RBFOX1: variants seen among roughly 807,000 people sequenced by gnomAD.
The protein encoded by RBFOX1 is RNA binding protein fox-1 homolog 1.
Under a neutral mutation model 57.7 loss-of-function variants are expected in RBFOX1, and 8 were observed. The ratio of observed to expected loss-of-function variants is 0.14; its 90% CI spans 0.08 to 0.25. The LOEUF (loss-of-function observed/expected upper bound fraction) is 0.25, where lower values mean the gene tolerates loss of function less well. Ranked by LOEUF, RBFOX1 falls within the 10% of genes least tolerant of loss-of-function variation. The pLI is 1.00. For synonymous variants in RBFOX1, 326 were observed against 222.4 expected (o/e 1.47, Z -4.15); for missense variants, 611 against 548.5 (o/e 1.11, Z -1.14).
intron 3 of RBFOX1, among the ~76,000 whole-genome samples, chr16:6,780,667 C>T (rs1175890423): frequency 1.4e-5 from 2 of 144,158 alleles, no homozygotes; most frequent in East Asian, 4.1e-4. Flanking sequence ...ATCTATATTG[C>T]CTGTTTTTTC....
At chr16:6,197,326 C>T (rs946328131) in intron 1 of RBFOX1, among the ~76,000 whole-genome samples, 6 of 152,042 alleles carry the variant, frequency 3.9e-5, no homozygotes, top group Admixed American at 3.3e-4. Context: ...CTCCCACTGA[C>T]CCCTGGACAC....
At chr16:5,836,404 G>C (rs1398231803) in intron 3 of RBFOX1, among the ~76,000 whole-genome samples, 1 of 152,154 alleles carries the variant, frequency 6.6e-6, no homozygotes, top group Non-Finnish European at 1.5e-5. Flanking sequence ...ATCCTCAACA[G>C]GTCCTAAATG....
intron 5 of RBFOX1, among the ~76,000 whole-genome samples, chr16:7,564,622 G>A (rs986628917): frequency 2.0e-5 from 3 of 150,574 alleles, no homozygotes; most frequent in Non-Finnish European, 4.4e-5. Context: ...GAGTTGGCTG[G>A]CACTTTGATC....
intron 4 of RBFOX1, among the ~76,000 whole-genome samples, chr16:7,174,106 G>T (rs943796581): frequency 6.6e-6 from 1 of 152,146 alleles, no homozygotes; most frequent in South Asian, 2.1e-4. Context: ...TTCCTGGACA[G>T]GTTGTAGAAA....
At chr16:6,535,494 C>T (rs530039126) in intron 2 of RBFOX1, among the ~76,000 whole-genome samples, 4 of 152,342 alleles carry the variant, frequency 2.6e-5, no homozygotes, top group African/African-American at 9.6e-5. Context: ...AGTGTTTTCA[C>T]TCCCATTCCC....
At chr16:7,108,640 C>T (rs1386272251) in intron 4 of RBFOX1, among the ~76,000 whole-genome samples, 3 of 152,086 alleles carry the variant, frequency 2.0e-5, no homozygotes, top group Admixed American at 1.3e-4. Flanking sequence ...GGAAAGTCTA[C>T]CCTGAGCATA....
chr16:7,583,591 C>T lies in RBFOX1; in HGVS notation c.415-3656C>T, dbSNP rs995554717. Among the ~76,000 whole-genome samples the T allele has an allele frequency of 6.6e-5, 10 of 152,280 alleles. No individual in the cohort carries two copies. The South Asian group carries it at 8.3e-4, about 13-fold the overall frequency. On this transcript the variant is annotated intron_variant, in intron 6 of 15. Coordinates refer to ENST00000550418, the MANE Select transcript of RBFOX1 (RefSeq NM_018723.4). ...TGGATGGATGTTCTGGATGCCTTCA[C>T]GGAATTGTCAGAAACAGTTGCTCAA...
intron 2 of RBFOX1, among the ~76,000 whole-genome samples, chr16:6,436,572 ATAT>A (rs560778477): frequency 1.3e-5 from 2 of 148,222 alleles, no homozygotes; most frequent in South Asian, 4.2e-4. Context: ...CCAAGTTGAA[ATAT>A]TATTTTTTCT....
intron 3 of RBFOX1, among the ~76,000 whole-genome samples, chr16:5,841,428 G>A (rs1326877624): frequency 6.6e-6 from 1 of 152,098 alleles, no homozygotes; most frequent in Non-Finnish European, 1.5e-5. Context: ...TTCTTCCCGA[G>A]AGCAAGGGAG....
Position 7,049,226 on chromosome 16 carries a change from T to C in RBFOX1, c.-15-2831T>C, listed in dbSNP as rs546169310. Among the ~76,000 whole-genome samples the C allele has an allele frequency of 2.6e-3, 389 of 152,236 alleles. 1 individual carries two copies. The highest frequency in any genetic ancestry group is 8.1e-3 in the African/African-American group (338 of 41,540). Reference sequence around the variant, plus strand: ...TTTTGTTTGTTTTTAATTTTTCTGTTCACCTGCTTCTCATCTGAGTCTGCA... The same window carrying C: ...TTTTGTTTGTTTTTAATTTTTCTGTCCACCTGCTTCTCATCTGAGTCTGCA... On this transcript the variant is annotated intron_variant, in intron 3 of 15. Coordinates refer to ENST00000550418, the MANE Select transcript of RBFOX1 (RefSeq NM_018723.4).
intron 3 of RBFOX1, among the ~76,000 whole-genome samples, chr16:5,760,376 A>ACG (rs1290778346): frequency 3.2e-4 from 49 of 152,194 alleles, no homozygotes; most frequent in African/African-American, 1.1e-3. Flanking sequence ...ACACACACAC[A>ACG]CGTATATACA....
chr16:5,258,071 G>T (rs1316788891), intron 1 of RBFOX1, among the ~76,000 whole-genome samples: 1 of 151,988 alleles, frequency 6.6e-6, no homozygotes, highest in Non-Finnish European at 1.5e-5. Context: ...TAGAGATGAG[G>T]TTTCACCATG....
chr16:6,622,503 C>T (rs776350005), intron 2 of RBFOX1, among the ~76,000 whole-genome samples: 1 of 152,060 alleles, frequency 6.6e-6, no homozygotes, highest in African/African-American at 2.4e-5. Context: ...GCTACACCAT[C>T]TAGGTTTGTA....
At chr16:6,866,347 G>T (rs371615956) in intron 3 of RBFOX1, among the ~76,000 whole-genome samples, 9 of 151,818 alleles carry the variant, frequency 5.9e-5, no homozygotes, top group African/African-American at 1.9e-4. Context: ...ACTTCTTACA[G>T]TGTAATAATG....
At chr16:6,887,950 C>G (rs2064501481) in intron 3 of RBFOX1, among the ~76,000 whole-genome samples, 1 of 152,104 alleles carries the variant, frequency 6.6e-6, no homozygotes, top group Non-Finnish European at 1.5e-5. Context: ...GTGTGAGCCA[C>G]CACGCCTGTC....
At chr16:6,075,626 C>G (rs2095887898) in intron 1 of RBFOX1, among the ~76,000 whole-genome samples, 1 of 152,170 alleles carries the variant, frequency 6.6e-6, no homozygotes, top group Admixed American at 6.5e-5. Context: ...CACATTTAAT[C>G]AGGGCATAAA....
intron 3 of RBFOX1, among the ~76,000 whole-genome samples, chr16:6,914,913 G>T (rs2072726099): frequency 6.6e-6 from 1 of 152,206 alleles, no homozygotes; most frequent in Non-Finnish European, 1.5e-5. Flanking sequence ...GGATAGGTTT[G>T]AGACAGCCCT....
intron 3 of RBFOX1, among the ~76,000 whole-genome samples, chr16:6,771,891 C>A (rs531908535): frequency 1.3e-5 from 2 of 152,222 alleles, no homozygotes; most frequent in Non-Finnish European, 2.9e-5. Flanking sequence ...CCCCATTAGA[C>A]CTTTGGTGTT....
intron 1 of RBFOX1, among the ~76,000 whole-genome samples, chr16:6,176,044 C>T (rs1225957842): frequency 6.6e-6 from 1 of 152,126 alleles, no homozygotes; most frequent in Non-Finnish European, 1.5e-5. Context: ...TAATGGACCA[C>T]CAGGCTGCAA....
Sources: allele counts gnomAD v4.1 joint callset (sites outside exome capture counted in the v4.1 genomes callset), GRCh38; gene constraint gnomAD v4.1.1; transcripts MANE v1.5; gene names NCBI Gene and HGNC (gene_info 2026-07-23, HGNC 2026-07-21).